The following MRTFA variants were observed in gnomAD, a reference collection of about 807,000 sequenced individuals.
The protein encoded by MRTFA is myocardin related transcription factor A, also known as myocardin-related transcription factor A.
In MRTFA, 20 loss-of-function variants were observed where a neutral mutation model predicts 83.5. The ratio of observed to expected loss-of-function variants is 0.24; its 90% CI spans 0.17 to 0.35. The LOEUF is 0.35. Ranked by LOEUF, MRTFA falls within the 10% of genes least tolerant of loss-of-function variation. The pLI is 1.00. For missense variants in MRTFA, 1,200 were observed against 1,224.7 expected, an observed-to-expected ratio of 0.98 and a Z score of 0.30; for synonymous variants, 659 against 541.2, an observed-to-expected ratio of 1.22 and a Z score of -3.02.
intron 3 of MRTFA, among the ~76,000 whole-genome samples, chr22:40,538,990 G>GTT (rs1329210578): frequency 1.3e-4 from 16 of 119,318 alleles, no homozygotes; most frequent in Non-Finnish European, 1.8e-4. Context: ...ACAGCCTTTT[G>GTT]TTTTTTTTTT....
At position 40,624,152 on chromosome 22, in the gene MRTFA, AGTGGCTAACACCT is replaced by A. The variant is rs552975699; in HGVS notation, c.-84+12313_-84+12325del. ...AAATTTAAAAAGATTGTCCAGGCAC[AGTGGCTAACACCT>A]GTAATCCCAGCACTTTGGGAGGCCG... On this transcript the variant is annotated intron_variant, in intron 1 of 14. Transcript: ENST00000355630. Among the ~76,000 whole-genome samples, 737 of 152,282 alleles carry A rather than the reference AGTGGCTAACACCT, an allele frequency of 4.8e-3. 4 individuals carry two copies. The highest frequency in any genetic ancestry group is 0.017 in the African/African-American group (689 of 41,540).
intron 1 of MRTFA, among the ~76,000 whole-genome samples, chr22:40,623,471 C>T (rs374325911): frequency 1.3e-5 from 2 of 151,240 alleles, no homozygotes; most frequent in Admixed American, 6.6e-5. Context: ...TCCCTCCCCC[C>T]TCCCCCAACC....
chr22:40,452,162 T>G (rs984013457), intron 4 of MRTFA, among the ~76,000 whole-genome samples: 1 of 151,962 alleles, frequency 6.6e-6, no homozygotes, highest in Non-Finnish European at 1.5e-5. Context: ...TTTTTGTATT[T>G]TTAGTAGAGA....
At chr22:40,417,180 C>T in intron 13 of MRTFA, 134 bp from the exon 14 acceptor site, 1 of 1,354,056 alleles carries the variant, frequency 7.4e-7, no homozygotes, top group Non-Finnish European at 1.0e-6. Flanking sequence ...CGTGCCCGGA[C>T]TCCTGGAGCC....
intron 4 of MRTFA, among the ~76,000 whole-genome samples, chr22:40,456,803 G>A (rs184846010): frequency 3.9e-5 from 6 of 152,238 alleles, no homozygotes; most frequent in East Asian, 1.9e-4. Context: ...TGAAGTCTCT[G>A]TATCCTTTGA....
At position 40,424,222 on chromosome 22, in the gene MRTFA, G is replaced by A. The variant is rs527791745; in HGVS notation, c.761C>T (p.Ser254Phe). The change falls in exon 8 of 15, where the codon TCT (serine) becomes TTT (phenylalanine). Residue 254 changes from serine to phenylalanine, a missense_variant. Physicochemically the swap from Ser to Phe is radical, Grantham distance 155. Coordinates refer to ENST00000355630, the MANE Select transcript of MRTFA (RefSeq NM_020831.6). Reference sequence around the variant, plus strand: ...CACACTCACCTGGGTGGGGGATGCAGAGGTGGCACTGAGCAGTGGTTCGCT... The same window carrying A: ...CACACTCACCTGGGTGGGGGATGCAAAGGTGGCACTGAGCAGTGGTTCGCT... 13 of 1,602,574 alleles carry A rather than the reference G, an allele frequency of 8.1e-6. No homozygotes were observed. In the African/African-American group the frequency reaches 9.4e-5, roughly 12 times the overall value.
chr22:40,418,416 C>G lies in MRTFA; in HGVS notation c.2322G>C (p.Lys774Asn). Residue 774 changes from lysine to asparagine, a missense_variant, in exon 12 of 15, where the codon AAG becomes AAC. Lys to Asn is a moderately conservative substitution (Grantham distance 94, BLOSUM62 0). Coordinates refer to ENST00000355630, the MANE Select transcript of MRTFA (RefSeq NM_020831.6). ...TGGACAGGCCAGGGCTGTCTGCATTCTTATTGGTCACGGTGAGGACAAGGT... is the reference window on the plus strand; with the variant it reads ...TGGACAGGCCAGGGCTGTCTGCATTGTTATTGGTCACGGTGAGGACAAGGT... 6.2e-7 allele frequency: 1 copy of G among 1,614,078 alleles called. No individual in the cohort carries two copies. The highest frequency in any genetic ancestry group is 1.1e-5 in the South Asian group (1 of 91,080).
chr22:40,488,679 A>G (rs1261270814), intron 3 of MRTFA, among the ~76,000 whole-genome samples: 1 of 152,024 alleles, frequency 6.6e-6, no homozygotes, highest in Non-Finnish European at 1.5e-5. Context: ...TAAAAATACG[A>G]AAAATTAGCC....
rs747673326 is a variant in MRTFA, at chr22:40,435,511, C to T, written c.351G>A (p.Leu117=). Residue 117 remains leucine (L), a synonymous_variant, in exon 5 of 15, where the codon TTG becomes TTA. Transcript: ENST00000355630. ...AAAGGTACCTTACCCTGGCCCGCTC[C>T]AAGCTCCTTCTCTGCTCATGAAATG... The T allele has an allele frequency of 1.1e-5, 17 of 1,614,220 alleles. No homozygotes were observed. In the South Asian group the frequency reaches 1.8e-4, roughly 17 times the overall value.
chr22:40,554,621 T>C (rs1215371930), intron 2 of MRTFA, among the ~76,000 whole-genome samples: 2 of 152,228 alleles, frequency 1.3e-5, no homozygotes, highest in African/African-American at 4.8e-5. Flanking sequence ...CTTTCCTTTA[T>C]AAACTACCCA....
At chr22:40,572,883 T>C (rs940868486) in intron 2 of MRTFA, among the ~76,000 whole-genome samples, 1 of 152,166 alleles carries the variant, frequency 6.6e-6, no homozygotes, top group African/African-American at 2.4e-5. Flanking sequence ...ACCGGGTTCC[T>C]CCCACAACAT....
chr22:40,500,935 G>A (rs1175389172), intron 3 of MRTFA, among the ~76,000 whole-genome samples: 8 of 144,672 alleles, frequency 5.5e-5, no homozygotes, highest in South Asian at 2.2e-4. Context: ...GGTGGTGGCC[G>A]GGCAGAGGGG....
chr22:40,625,442 C>CCT (rs201606996), intron 1 of MRTFA, among the ~76,000 whole-genome samples: 1 of 144,110 alleles, frequency 6.9e-6, no homozygotes, highest in Admixed American at 7.2e-5. Flanking sequence ...ATAGCAAGGC[C>CCT]CTCTCTCTAA....
At chr22:40,580,145 TA>T (rs199991412) in intron 2 of MRTFA, among the ~76,000 whole-genome samples, 3 of 152,020 alleles carry the variant, frequency 2.0e-5, no homozygotes, top group Non-Finnish European at 4.4e-5. Context: ...TAGAAACATG[TA>T]AAAAAAATAT....
At chr22:40,431,362 T>A (rs2053066009) in intron 6 of MRTFA, 43 bp downstream of exon 6, 2 of 1,573,018 alleles carry the variant, frequency 1.3e-6, no homozygotes, top group Admixed American at 3.3e-5. Flanking sequence ...GTACACACAG[T>A]GAGAACTGGA....
chr22:40,514,437 A>G (rs2054721957), intron 3 of MRTFA, among the ~76,000 whole-genome samples: 1 of 150,280 alleles, frequency 6.7e-6, no homozygotes, highest in Admixed American at 6.7e-5. Flanking sequence ...GGGAGGGGGG[A>G]GTTACAGATG....
At chr22:40,445,712 C>T (rs1466367759) in intron 4 of MRTFA, among the ~76,000 whole-genome samples, 1 of 152,122 alleles carries the variant, frequency 6.6e-6, no homozygotes, top group Non-Finnish European at 1.5e-5. Context: ...CCATGCCCGG[C>T]TAATTTTCTG....
At chr22:40,456,071 A>C (rs1893346090) in intron 4 of MRTFA, among the ~76,000 whole-genome samples, 1 of 152,120 alleles carries the variant, frequency 6.6e-6, no homozygotes, top group Non-Finnish European at 1.5e-5. Context: ...CTGGGATTAC[A>C]GGCATAAGCC....
rs574055219 is a variant in MRTFA, at chr22:40,471,488, G to C, written c.242-8202C>G. Among the ~76,000 whole-genome samples, 51 of 152,194 alleles carry C rather than the reference G, an allele frequency of 3.4e-4. No homozygotes were observed. In the South Asian group the frequency reaches 0.01, roughly 30 times the overall value. On this transcript the variant is annotated intron_variant, in intron 3 of 14. Transcript: ENST00000355630. ...AAATTGAAGAAAGAAATAGAACATC[G>C]GAATAGATGTATAACAAGTAAGGAG...
Sources: allele counts gnomAD v4.1 joint callset (sites outside exome capture counted in the v4.1 genomes callset), GRCh38; gene constraint gnomAD v4.1.1; transcripts MANE v1.5; gene names NCBI Gene and HGNC (gene_info 2026-07-23, HGNC 2026-07-21).